Variants in LMCD1 observed in about 807,000 individuals in gnomAD.
LMCD1 encodes the protein LIM and cysteine-rich domains protein 1.
LMCD1 carries 32 observed loss-of-function variants against 42.7 expected under a neutral mutation model. The ratio of observed to expected loss-of-function variants is 0.75; its 90% confidence interval spans 0.57 to 1.01. The LOEUF is 1.01. LMCD1 is among the 50% of genes least tolerant of loss of function. The pLI, the probability that LMCD1 is intolerant of heterozygous loss-of-function variation, is 0.00. For synonymous variants in LMCD1, 178 were observed against 184.9 expected (o/e 0.96, Z 0.30); for missense variants, 458 against 483.1 (o/e 0.95, Z 0.49).
Position 8,548,684 on chromosome 3 carries a change from C to G in LMCD1, c.504C>G (p.Pro168=). ...AGCTCCCCATCTATGACCAGGATCC[C>G]TCGCGCTGCCGTGGACTTTTGGAGA... The part of the protein sequence containing the change: ...MHQLPIYDQD[P]SRCRGLLENE... Residue 168 remains proline (P), a synonymous_variant, in exon 4 of 6, where the codon CCC becomes CCG. Coordinates refer to ENST00000157600, the MANE Select transcript of LMCD1 (RefSeq NM_014583.4). 2 of 1,614,200 alleles carry G rather than the reference C, an allele frequency of 1.2e-6. No individual in the cohort carries two copies. Among genetic ancestry groups the G allele is most frequent in the Non-Finnish European group, 1.7e-6 (2 of 1,180,040 alleles).
rs1284093418 is a variant in LMCD1, at chr3:8,539,708, CTCTG to C, written c.387+2273_387+2276del. On this transcript the variant is annotated intron_variant, in intron 3 of 5. Transcript: ENST00000157600. ...AAAACCACATGGCTGTAAAGAACCCCTCTGTCTGCTCTTCATCTGGGCGTCCAGG... is the reference window on the plus strand; with the variant it reads ...AAAACCACATGGCTGTAAAGAACCCCTCTGCTCTTCATCTGGGCGTCCAGG... Among the ~76,000 whole-genome samples the C allele has an allele frequency of 2.0e-5, 3 of 152,204 alleles. No individual in the cohort carries two copies. In the East Asian group the frequency reaches 5.8e-4, roughly 29 times the overall value.
intron 1 of LMCD1, among the ~76,000 whole-genome samples, chr3:8,511,218 C>T (rs904226314): frequency 1.3e-5 from 2 of 152,196 alleles, no homozygotes; most frequent in African/African-American, 2.4e-5. Context: ...GGCATCCTCA[C>T]CATTAAAAGA....
intron 1 of LMCD1, among the ~76,000 whole-genome samples, chr3:8,523,969 A>G (rs1694249784): frequency 6.6e-6 from 1 of 152,170 alleles, no homozygotes; most frequent in African/African-American, 2.4e-5. Context: ...TGTTGATTCC[A>G]TTACTCTGTT....
chr3:8,537,345 C>T lies in LMCD1; in HGVS notation c.292C>T (p.Arg98Trp), dbSNP rs771067474. Residue 98 changes from arginine to tryptophan, a missense_variant, in exon 3 of 6, where the codon CGG becomes TGG. Arg to Trp is a moderately radical substitution (Grantham distance 101, BLOSUM62 -3). Transcript: ENST00000157600. ...CGGCATCCGGATTTACAAGAGGAAC[C>T]GGATGATCATGACCAACCCTATTGC... ...GDGIRIYKRN[R>W]MIMTNPIATG... The T allele has an allele frequency of 5.6e-6, 9 of 1,614,026 alleles. No homozygotes were observed. In the East Asian group the frequency reaches 6.7e-5, roughly 12 times the overall value.
At chr3:8,527,425 A>G (rs1481683314) in intron 1 of LMCD1, among the ~76,000 whole-genome samples, 3 of 152,194 alleles carry the variant, frequency 2.0e-5, no homozygotes, top group Non-Finnish European at 4.4e-5. Flanking sequence ...AAGTCATATT[A>G]TTAAATAAGA....
intron 3 of LMCD1, among the ~76,000 whole-genome samples, chr3:8,538,611 G>A (rs140629377): frequency 1.0e-3 from 154 of 152,248 alleles, no homozygotes; most frequent in African/African-American, 3.4e-3. Context: ...TGGGGCCTTC[G>A]CACGTCCTGC....
intron 3 of LMCD1, among the ~76,000 whole-genome samples, chr3:8,541,864 G>A (rs1313612170): frequency 6.6e-6 from 1 of 152,122 alleles, no homozygotes. Flanking sequence ...GGATTCTGAG[G>A]GCTTGATTAG....
intron 3 of LMCD1, among the ~76,000 whole-genome samples, chr3:8,538,152 A>C (rs950232757): frequency 1.3e-5 from 2 of 152,196 alleles, no homozygotes; most frequent in African/African-American, 4.8e-5. Flanking sequence ...GTGACCATTT[A>C]AATGACTCCC....
At chr3:8,545,267 A>G (rs1694713307) in intron 3 of LMCD1, among the ~76,000 whole-genome samples, 3 of 152,196 alleles carry the variant, frequency 2.0e-5, no homozygotes, top group Non-Finnish European at 1.5e-5. Flanking sequence ...AAATGAAATA[A>G]AAATATTCAG....
In LMCD1 at chr3:8,505,373, A is replaced by C. The variant is rs1410510269; in HGVS notation, c.42+3393A>C. The stretch of plus-strand genomic sequence containing the variant: ...TGGATTGCCAGTTATTGAGCATTTC[A>C]CTTTGGAGTTATATAATGTTAGGCC... On this transcript the variant is annotated intron_variant, in intron 1 of 5. Coordinates refer to ENST00000157600, the MANE Select transcript of LMCD1 (RefSeq NM_014583.4). 2.6e-5 allele frequency among the ~76,000 whole-genome samples: 4 copies of C among 152,292 alleles called. 1 individual carries two copies. The South Asian group carries it at 8.3e-4, about 32-fold the overall frequency.
At chr3:8,503,286 T>A (rs764808089) in intron 1 of LMCD1, among the ~76,000 whole-genome samples, 9 of 152,204 alleles carry the variant, frequency 5.9e-5, no homozygotes, top group Non-Finnish European at 1.0e-4. Flanking sequence ...ACTGTCTAAT[T>A]TGTAGCTGTG....
At position 8,504,783 on chromosome 3, in the gene LMCD1, G is replaced by A. The variant is rs1298612441; in HGVS notation, c.42+2803G>A. On this transcript the variant is annotated intron_variant, in intron 1 of 5. Transcript: ENST00000157600. ...ACAGTTCCCTGAGAATGGTGAAATC[G>A]CCAACATTTCTTGGTAACAAAGGGC... is the stretch of plus-strand genomic sequence containing the variant. 3.3e-5 allele frequency among the ~76,000 whole-genome samples: 5 copies of A among 152,140 alleles called. No homozygotes were observed. In the East Asian group the frequency reaches 7.7e-4, roughly 23 times the overall value.
chr3:8,537,262 G>A lies in LMCD1; in HGVS notation c.209G>A (p.Gly70Asp), dbSNP rs143907741. 1 of 1,614,006 alleles carries A rather than the reference G, an allele frequency of 6.2e-7. No homozygotes were observed. Among genetic ancestry groups the A allele is most frequent in the African/African-American group, 1.3e-5 (1 of 74,922 alleles). The stretch of plus-strand genomic sequence containing the variant: ...GACCTAGAAGACGATCGGAAAATTG[G>A]CCGCTTGCTGATGGACTCCAAGTAT... The part of the protein sequence containing the change: ...TSDLEDDRKI[G>D]RLLMDSKYST... Residue 70 changes from glycine (G) to aspartate (D), a missense_variant, in exon 3 of 6, where the codon GGC becomes GAC. Coordinates refer to ENST00000157600, the MANE Select transcript of LMCD1 (RefSeq NM_014583.4).
intron 4 of LMCD1, among the ~76,000 whole-genome samples, chr3:8,564,810 T>C (rs2125040913): frequency 6.6e-6 from 1 of 152,346 alleles, no homozygotes; most frequent in Middle Eastern, 3.4e-3. Context: ...ATCGTCCTCC[T>C]TTTTCCAACT....
chr3:8,507,244 T>G (rs1220898833), intron 1 of LMCD1, among the ~76,000 whole-genome samples: 1 of 152,190 alleles, frequency 6.6e-6, no homozygotes. Flanking sequence ...CTCTAGAAAA[T>G]GCTCTCTATA....
At chr3:8,516,842 A>T (rs1165981239) in intron 1 of LMCD1, among the ~76,000 whole-genome samples, 2 of 152,114 alleles carry the variant, frequency 1.3e-5, no homozygotes, top group African/African-American at 4.8e-5. Flanking sequence ...GTCATCCTCT[A>T]CTCCTCAGAA....
chr3:8,565,307 C>T (rs1695107593), intron 4 of LMCD1, 125 bp from the exon 5 acceptor site: 2 of 753,698 alleles, frequency 2.7e-6, no homozygotes, highest in South Asian at 1.6e-5. Flanking sequence ...AACTGAGGCA[C>T]GAAGAGGTAT....
At chr3:8,520,995 T>G (rs1206152740) in intron 1 of LMCD1, among the ~76,000 whole-genome samples, 1 of 152,222 alleles carries the variant, frequency 6.6e-6, no homozygotes, top group Non-Finnish European at 1.5e-5. Flanking sequence ...CAGTCTGCCT[T>G]TGTACAATTC....
At chr3:8,567,271 A>G (rs1355736702) in intron 5 of LMCD1, among the ~76,000 whole-genome samples, 169 bp from the exon 6 acceptor site, 1 of 152,128 alleles carries the variant, frequency 6.6e-6, no homozygotes, top group African/African-American at 2.4e-5. Context: ...CCTTCACCAA[A>G]TATTATCCTT....
Sources: allele counts gnomAD v4.1 joint callset (sites outside exome capture counted in the v4.1 genomes callset), GRCh38; gene constraint gnomAD v4.1.1; transcripts MANE v1.5; gene names NCBI Gene and HGNC (gene_info 2026-07-23, HGNC 2026-07-21).